The following PKNOX2 variants were observed in gnomAD, a reference collection of about 807,000 sequenced individuals.
PKNOX2 encodes the protein PBX/knotted 1 homeobox 2, also known as homeobox protein PKNOX2.
Under a neutral mutation model 53.1 loss-of-function variants are expected in PKNOX2, and 14 were observed. That is an observed-to-expected ratio of 0.26 (90% CI 0.17 to 0.41). The LOEUF (loss-of-function observed/expected upper bound fraction) is 0.41, where lower values mean the gene tolerates loss of function less well. PKNOX2 is among the 10% of genes least tolerant of loss of function. The pLI is 1.00. For synonymous variants in PKNOX2, 257 were observed against 242.8 expected (o/e 1.06, Z -0.54); for missense variants, 496 against 602.8 (o/e 0.82, Z 1.85).
intron 7 of PKNOX2, among the ~76,000 whole-genome samples, chr11:125,406,536 G>A (rs1036410675): frequency 3.3e-5 from 5 of 152,198 alleles, no homozygotes; most frequent in Non-Finnish European, 7.3e-5. Flanking sequence ...TTAGCCAAGG[G>A]AAGTGGGAAA....
intron 2 of PKNOX2, among the ~76,000 whole-genome samples, chr11:125,244,729 C>T (rs1943430314): frequency 6.6e-6 from 1 of 152,250 alleles, no homozygotes; most frequent in South Asian, 2.1e-4. Context: ...CCTCCATTTG[C>T]ATTCTGTGCC....
At chr11:125,209,912 C>T (rs1001142775) in intron 1 of PKNOX2, among the ~76,000 whole-genome samples, 16 of 152,030 alleles carry the variant, frequency 1.1e-4, no homozygotes, top group Non-Finnish European at 4.4e-5. Flanking sequence ...GCTGGTATTG[C>T]TCTTGTTTTA....
intron 2 of PKNOX2, among the ~76,000 whole-genome samples, chr11:125,291,053 G>A (rs930736494): frequency 2.0e-5 from 3 of 152,162 alleles, no homozygotes; most frequent in Non-Finnish European, 4.4e-5. Flanking sequence ...AGCACAAAGG[G>A]GGTCTCTTCC....
intron 2 of PKNOX2, among the ~76,000 whole-genome samples, chr11:125,271,381 C>T (rs1162882379): frequency 6.6e-6 from 1 of 152,208 alleles, no homozygotes; most frequent in African/African-American, 2.4e-5. Context: ...CGGACATCTC[C>T]ATTGCTGAAT....
At chr11:125,406,385 G>T (rs1306821546) in intron 7 of PKNOX2, among the ~76,000 whole-genome samples, 1 of 152,216 alleles carries the variant, frequency 6.6e-6, no homozygotes, top group South Asian at 2.1e-4. Context: ...AGGGAGACAT[G>T]TAGCCAGGTT....
chr11:125,416,913 A>G (rs1236699534), intron 10 of PKNOX2, among the ~76,000 whole-genome samples: 1 of 152,056 alleles, frequency 6.6e-6, no homozygotes, highest in Non-Finnish European at 1.5e-5. Flanking sequence ...TGGCAGCTAC[A>G]GGAAAGTATT....
At position 125,385,648 on chromosome 11, in the gene PKNOX2, A is replaced by T. The variant is rs1267701796; in HGVS notation, c.325A>T (p.Ile109Phe). Residue 109 changes from isoleucine (I) to phenylalanine (F), a missense_variant, in exon 6 of 13, where the codon ATC (isoleucine) becomes TTC (phenylalanine). Ile to Phe is a conservative substitution (Grantham distance 21). Around this residue, in one of 5 missense-constraint regions of PKNOX2, gnomAD observed 168 missense variants for 178.4 expected, o/e 0.94. Coordinates refer to ENST00000298282, the MANE Select transcript of PKNOX2 (RefSeq NM_001382323.2). Reference protein sequence around the residue: ...CITSASFDVDIENFVHQQEQE... With the variant: ...CITSASFDVDFENFVHQQEQE... ...CACCTCCGCCAGCTTTGATGTGGACATCGAGAACTTTGTCCACCAGCAGGA... is the reference window on the plus strand; with the variant it reads ...CACCTCCGCCAGCTTTGATGTGGACTTCGAGAACTTTGTCCACCAGCAGGA... The T allele has an allele frequency of 6.2e-7, 1 of 1,614,012 alleles. No homozygotes were observed. The highest frequency in any genetic ancestry group is 8.5e-7 in the Non-Finnish European group (1 of 1,180,020).
chr11:125,262,718 G>A (rs947153558), intron 2 of PKNOX2, among the ~76,000 whole-genome samples: 4 of 152,062 alleles, frequency 2.6e-5, no homozygotes, highest in Non-Finnish European at 5.9e-5. Flanking sequence ...CTAGCTGGGG[G>A]AGGGAGGTGA....
chr11:125,176,752 G>T (rs1955736511), intron 1 of PKNOX2, among the ~76,000 whole-genome samples: 1 of 152,140 alleles, frequency 6.6e-6, no homozygotes, highest in Non-Finnish European at 1.5e-5. Flanking sequence ...TTCCATCCCA[G>T]GCAAGGACTG....
At chr11:125,413,338 G>C (rs1215353152) in intron 10 of PKNOX2, among the ~76,000 whole-genome samples, 1 of 152,204 alleles carries the variant, frequency 6.6e-6, no homozygotes, top group East Asian at 1.9e-4. Flanking sequence ...GGAGTGCACA[G>C]GGGGAACGCC....
intron 1 of PKNOX2, among the ~76,000 whole-genome samples, chr11:125,221,758 C>T (rs934736093): frequency 7.2e-5 from 11 of 151,752 alleles, no homozygotes; most frequent in Non-Finnish European, 1.6e-4. Context: ...TTTTTAAATG[C>T]ACATATAAAT....
At chr11:125,194,202 C>T (rs756955257) in intron 1 of PKNOX2, among the ~76,000 whole-genome samples, 1 of 152,200 alleles carries the variant, frequency 6.6e-6, no homozygotes, top group Non-Finnish European at 1.5e-5. Context: ...TCTGCACATG[C>T]TTCTCCTTTT....
At chr11:125,361,216 C>T (rs1211634043) in intron 4 of PKNOX2, among the ~76,000 whole-genome samples, 1 of 152,102 alleles carries the variant, frequency 6.6e-6, no homozygotes, top group African/African-American at 2.4e-5. Context: ...AGCCCTGGTC[C>T]TGCCCTCAAG....
At chr11:125,268,952 AG>A (rs1945566284) in intron 2 of PKNOX2, among the ~76,000 whole-genome samples, 1 of 10,962 alleles carries the variant, frequency 9.1e-5, no homozygotes, top group Non-Finnish European at 1.7e-4. Flanking sequence ...CCATGGCGGG[AG>A]GGTGCCATGG....
At chr11:125,412,195 G>A (rs150548119) in intron 10 of PKNOX2, among the ~76,000 whole-genome samples, 1 of 152,230 alleles carries the variant, frequency 6.6e-6, no homozygotes, top group East Asian at 1.9e-4. Context: ...TCACTGCGGG[G>A]AGTGGGTGGT....
At chr11:125,243,007 A>G (rs1321945365) in intron 2 of PKNOX2, among the ~76,000 whole-genome samples, 1 of 152,240 alleles carries the variant, frequency 6.6e-6, no homozygotes, top group Non-Finnish European at 1.5e-5. Context: ...TTTCTCATCT[A>G]GAAAGCAAGA....
intron 10 of PKNOX2, among the ~76,000 whole-genome samples, chr11:125,418,178 C>T (rs975854950): frequency 2.0e-5 from 3 of 152,004 alleles, no homozygotes; most frequent in Admixed American, 1.3e-4. Flanking sequence ...CATGAATTCA[C>T]TTTCTGCCTC....
intron 6 of PKNOX2, among the ~76,000 whole-genome samples, chr11:125,390,548 C>T (rs1435319425): frequency 6.6e-6 from 1 of 152,234 alleles, no homozygotes; most frequent in Non-Finnish European, 1.5e-5. Flanking sequence ...CAGTGTCTCA[C>T]CGTAGGTGGA....
chr11:125,379,646 AAGAG>A (rs1178892826), intron 5 of PKNOX2, among the ~76,000 whole-genome samples: 1 of 152,000 alleles, frequency 6.6e-6, no homozygotes, highest in Non-Finnish European at 1.5e-5. Context: ...CTCTGTTACT[AAGAG>A]AGAGGGTGGT....
Sources: allele counts gnomAD v4.1 joint callset (sites outside exome capture counted in the v4.1 genomes callset), GRCh38; gene constraint gnomAD v4.1.1; regional missense constraint gnomAD v4.1.1; transcripts MANE v1.5; gene names NCBI Gene and HGNC (gene_info 2026-07-23, HGNC 2026-07-21).